NEK10: variants seen among roughly 807,000 people sequenced by gnomAD.
The protein encoded by NEK10 is NIMA related kinase 10.
In NEK10, 122 loss-of-function variants were observed where a neutral mutation model predicts 159.8. The ratio of observed to expected loss-of-function variants is 0.76; its 90% CI spans 0.66 to 0.89. The LOEUF is 0.89. Among genes scored for constraint, NEK10 ranks in the 40% least tolerant of loss-of-function variants. The probability of loss-of-function intolerance (pLI) is 0.00; values close to 1 mark genes in which losing one functional copy is unlikely to be tolerated. For synonymous variants in NEK10, 466 were observed against 457.1 expected (o/e 1.02, Z -0.25); for missense variants, 1,342 against 1,323.1 (o/e 1.01, Z -0.22).
At chr3:27,363,998 G>A (rs111292198) in intron 1 of NEK10, among the ~76,000 whole-genome samples, 157 of 151,824 alleles carry the variant, frequency 1.0e-3, no homozygotes, top group African/African-American at 3.6e-3. Context: ...GGTGGCAGTC[G>A]GGACTAAATA....
intron 19 of NEK10, among the ~76,000 whole-genome samples, chr3:27,288,777 T>A (rs527443389): frequency 2.5e-4 from 38 of 152,290 alleles, no homozygotes; most frequent in African/African-American, 8.7e-4. Context: ...TAGATAAAAT[T>A]TGTCTTAGAA....
intron 7 of NEK10, among the ~76,000 whole-genome samples, chr3:27,312,968 T>C (rs1488284836): frequency 2.6e-5 from 4 of 152,192 alleles, no homozygotes; most frequent in African/African-American, 7.2e-5. Context: ...ATGTTTATTA[T>C]GAAAATCATT....
chr3:27,212,492 C>T (rs2149102397), intron 23 of NEK10, among the ~76,000 whole-genome samples: 2 of 152,320 alleles, frequency 1.3e-5, no homozygotes, highest in Non-Finnish European at 2.9e-5. Flanking sequence ...ACAGCTTCCT[C>T]ACAACCAATT....
At chr3:27,227,800 T>C (rs1455713960) in intron 23 of NEK10, among the ~76,000 whole-genome samples, 1 of 152,196 alleles carries the variant, frequency 6.6e-6, no homozygotes, top group Admixed American at 6.5e-5. Context: ...ACATAAACAG[T>C]AGAAGGTCCC....
intron 23 of NEK10, among the ~76,000 whole-genome samples, chr3:27,220,555 T>C (rs929348886): frequency 2.0e-5 from 3 of 152,112 alleles, no homozygotes; most frequent in African/African-American, 7.2e-5. Context: ...GGGATTATAC[T>C]AGAATGTAGA....
At chr3:27,313,617 A>G (rs1013297524) in intron 7 of NEK10, among the ~76,000 whole-genome samples, 5 of 152,180 alleles carry the variant, frequency 3.3e-5, no homozygotes. Flanking sequence ...ACATAGTAAG[A>G]CACCGTTTCA....
intron 6 of NEK10, 134 bp from the exon 7 acceptor site, chr3:27,314,472 G>A (rs527954837): frequency 3.1e-5 from 20 of 635,738 alleles, no homozygotes; most frequent in South Asian, 8.1e-5. Context: ...ATATAAATAC[G>A]GAAAACTTAC....
chr3:27,269,908 C>T (rs562549329), intron 22 of NEK10, among the ~76,000 whole-genome samples: 3 of 152,320 alleles, frequency 2.0e-5, no homozygotes, highest in Admixed American at 6.5e-5. Flanking sequence ...TCCTTTACCA[C>T]AGCAAAATCC....
intron 22 of NEK10, among the ~76,000 whole-genome samples, chr3:27,263,977 T>A (rs1367430500): frequency 1.3e-5 from 2 of 152,218 alleles, no homozygotes; most frequent in Non-Finnish European, 2.9e-5. Context: ...TATAAATACA[T>A]GTAGTAGAGT....
At chr3:27,367,758 C>A (rs148784540) in intron 1 of NEK10, among the ~76,000 whole-genome samples, 200 of 152,258 alleles carry the variant, frequency 1.3e-3, no homozygotes, top group Non-Finnish European at 2.6e-3. Flanking sequence ...AGTAATCAAG[C>A]AACATACAGA....
intron 23 of NEK10, among the ~76,000 whole-genome samples, chr3:27,226,964 TTC>T (rs1429402846): frequency 6.6e-6 from 1 of 152,154 alleles, no homozygotes; most frequent in African/African-American, 2.4e-5. Context: ...TACCTCCCAT[TTC>T]TTTTTATTCT....
chr3:27,146,717 A>T (rs79240312), intron 30 of NEK10, among the ~76,000 whole-genome samples: 2 of 152,338 alleles, frequency 1.3e-5, no homozygotes, highest in African/African-American at 4.8e-5. Context: ...CCATGGATGT[A>T]GGCTAAAGAG....
At chr3:27,218,736 TAAAAAAAAAAA>T (rs1178048499) in intron 23 of NEK10, among the ~76,000 whole-genome samples, 1 of 93,174 alleles carries the variant, frequency 1.1e-5, no homozygotes, top group African/African-American at 4.4e-5. Context: ...GAATGAAGTC[TAAAAAAAAAAA>T]AAAAAAAAGG....
rs1165127158 is a variant in NEK10, at chr3:27,308,992, A to G, written c.650T>C (p.Leu217Ser). ...TSGAHKTLVN[L>S]LGARDTNVLL... ...AACATTAGTATCTCGGGCACCAAGTAAATTTACTAATGTCTGAAAAATGAA... is the reference window on the plus strand; with the variant it reads ...AACATTAGTATCTCGGGCACCAAGTGAATTTACTAATGTCTGAAAAATGAA... Residue 217 changes from leucine (L) to serine (S), a missense_variant, in exon 10 of 36, where the codon TTA (leucine) becomes TCA (serine). Transcript: ENST00000691995. 5.7e-6 allele frequency: 9 copies of G among 1,581,198 alleles called. No homozygotes were observed. Among genetic ancestry groups the G allele is most frequent in the Non-Finnish European group, 7.8e-6 (9 of 1,152,418 alleles).
At chr3:27,292,690 C>A (rs2043081167) in intron 16 of NEK10, among the ~76,000 whole-genome samples, 2 of 149,310 alleles carry the variant, frequency 1.3e-5, no homozygotes, top group African/African-American at 2.5e-5. Context: ...AAAAATTAGC[C>A]AGGTGTGGTG....
intron 23 of NEK10, among the ~76,000 whole-genome samples, chr3:27,250,673 T>G (rs1955555521): frequency 6.6e-6 from 1 of 152,176 alleles, no homozygotes; most frequent in African/African-American, 2.4e-5. Context: ...TTGAAGGATA[T>G]TTTCACCAGA....
chr3:27,300,494 G>A (rs549677165), intron 13 of NEK10, among the ~76,000 whole-genome samples: 1 of 152,044 alleles, frequency 6.6e-6, no homozygotes, highest in Admixed American at 6.6e-5. Flanking sequence ...ACTAATACGG[G>A]TATAGAATAA....
intron 23 of NEK10, among the ~76,000 whole-genome samples, chr3:27,241,187 G>A (rs926322914): frequency 6.6e-6 from 1 of 152,130 alleles, no homozygotes; most frequent in African/African-American, 2.4e-5. Flanking sequence ...TTTGTTCAGA[G>A]AGCATGGGGG....
chr3:27,362,920 A>G lies in NEK10; in HGVS notation c.-38+6305T>C, dbSNP rs538190564. Among the ~76,000 whole-genome samples the G allele has an allele frequency of 2.0e-5, 3 of 152,224 alleles. No homozygotes were observed. In the South Asian group the frequency reaches 6.2e-4, roughly 32 times the overall value. ...CCCTCTCCCCAACTACAACAAAAAA[A>G]TCTATCTCCACACATCAATAAAAGC... On this transcript the variant is annotated intron_variant, in intron 1 of 35. Coordinates refer to ENST00000691995, the MANE Select transcript of NEK10 (RefSeq NM_001394966.1).
Sources: gnomAD v4.1 joint callset for allele counts (sites outside exome capture counted in the v4.1 genomes callset) on GRCh38, gnomAD v4.1.1 for gene constraint, MANE v1.5 for transcripts, NCBI Gene and HGNC (gene_info 2026-07-23, HGNC 2026-07-21) for gene names.